The following LRRC37A2 variants were observed in gnomAD, a reference collection of about 807,000 sequenced individuals.
LRRC37A2 encodes the protein leucine-rich repeat-containing protein 37A2.
LRRC37A2 carries 9 observed loss-of-function variants against 68.8 expected under a neutral mutation model. The observed-to-expected ratio is 0.13, with a 90% CI of 0.08 to 0.23. The LOEUF is 0.23. Among genes scored for constraint, LRRC37A2 ranks in the 10% least tolerant of loss-of-function variants. LRRC37A2 has a pLI of 1.00. For missense variants in LRRC37A2, 168 were observed against 950.4 expected, an observed-to-expected ratio of 0.18 and a Z score of 10.82; for synonymous variants, 63 against 367.6, an observed-to-expected ratio of 0.17 and a Z score of 9.48.
the LRRC37A2 span, among the ~76,000 whole-genome samples, chr17:46,871,102 G>C: frequency 4.0e-5 from 6 of 151,670 alleles, no homozygotes; most frequent in African/African-American, 1.5e-4. Flanking sequence ...GTAGAGACAG[G>C]GTTTTGCTGT....
At chr17:46,916,157 G>A in the LRRC37A2 span, among the ~76,000 whole-genome samples, 12 of 152,336 alleles carry the variant, frequency 7.9e-5, no homozygotes, top group East Asian at 2.3e-3. Context: ...CTCCAGAAGT[G>A]GCCACGCCTA....
At chr17:47,001,482 T>C in the LRRC37A2 span, among the ~76,000 whole-genome samples, 1 of 152,296 alleles carries the variant, frequency 6.6e-6, no homozygotes, top group Non-Finnish European at 1.5e-5. Context: ...TTTTTGAACA[T>C]TTTAGGCAGA....
the LRRC37A2 span, among the ~76,000 whole-genome samples, chr17:46,820,371 C>T: frequency 1.3e-5 from 2 of 151,542 alleles, no homozygotes; most frequent in African/African-American, 2.4e-5. Context: ...AAGGAGAATC[C>T]GAGAGGAGGA....
chr17:47,028,497 G>C, the LRRC37A2 span: 2 of 687,534 alleles, frequency 2.9e-6, no homozygotes, highest in East Asian at 5.0e-5. Context: ...TTCTCAAATG[G>C]GGAAGCTAAG....
At chr17:46,711,909 A>G in the LRRC37A2 span, among the ~76,000 whole-genome samples, 1 of 152,168 alleles carries the variant, frequency 6.6e-6, no homozygotes, top group Non-Finnish European at 1.5e-5. Flanking sequence ...TTGAAAGAGA[A>G]AGGGAGATTA....
chr17:46,833,111 T>G, the LRRC37A2 span: 3 of 348,784 alleles, frequency 8.6e-6, no homozygotes, highest in Non-Finnish European at 1.7e-5. Flanking sequence ...AGGGGGAGGG[T>G]TGTTGACAAA....
chr17:46,794,611 C>T, the LRRC37A2 span, among the ~76,000 whole-genome samples: 1 of 152,122 alleles, frequency 6.6e-6, no homozygotes, highest in Admixed American at 6.5e-5. Context: ...AGCACCTTAA[C>T]CCATTCTCAC....
chr17:46,896,419 A>C, the LRRC37A2 span, among the ~76,000 whole-genome samples: 2 of 92,222 alleles, frequency 2.2e-5, no homozygotes, highest in African/African-American at 1.8e-4. Context: ...AGAAAGAAAG[A>C]AAGAAAGAAA....
the LRRC37A2 span, among the ~76,000 whole-genome samples, chr17:46,456,249 T>TAC: frequency 1.8e-5 from 2 of 110,874 alleles, no homozygotes; most frequent in East Asian, 2.3e-4. Context: ...TGTGTGTGTA[T>TAC]ACACATATAT....
chr17:46,541,652 TCAACGAAC>T (rs1437716580), intron 8 of LRRC37A2, among the ~76,000 whole-genome samples: 1 of 150,842 alleles, frequency 6.6e-6, no homozygotes, highest in East Asian at 1.9e-4. Context: ...ATCCATAGAT[TCAACGAAC>T]CATGGATGGG....
chr17:46,764,853 G>C, the LRRC37A2 span, among the ~76,000 whole-genome samples: 2 of 152,176 alleles, frequency 1.3e-5, no homozygotes, highest in Non-Finnish European at 2.9e-5. Context: ...GAATGGGATC[G>C]AAATTCTACC....
chr17:46,935,339 C>A, the LRRC37A2 span: 1 of 1,475,830 alleles, frequency 6.8e-7, no homozygotes. Flanking sequence ...TTATTGTGAG[C>A]CTGAAAGTAC....
the LRRC37A2 span, among the ~76,000 whole-genome samples, chr17:46,890,362 C>G: frequency 4.6e-5 from 7 of 152,216 alleles, no homozygotes; most frequent in African/African-American, 1.7e-4. Flanking sequence ...GTGGGCTTTC[C>G]TCCTTCCTGC....
chr17:46,958,732 C>G, the LRRC37A2 span, among the ~76,000 whole-genome samples: 1 of 152,194 alleles, frequency 6.6e-6, no homozygotes, highest in South Asian at 2.1e-4. Flanking sequence ...AGAGATGGAG[C>G]CAACTTCCGG....
chr17:46,946,018 C>T, the LRRC37A2 span, among the ~76,000 whole-genome samples: 1 of 152,142 alleles, frequency 6.6e-6, no homozygotes, highest in East Asian at 1.9e-4. Context: ...TCCAGGGGCC[C>T]TGGGAGACCC....
the LRRC37A2 span, among the ~76,000 whole-genome samples, chr17:46,890,055 G>T: frequency 6.6e-6 from 1 of 152,086 alleles, no homozygotes; most frequent in Non-Finnish European, 1.5e-5. Context: ...ATTTCAGCCC[G>T]GCCTGCATCT....
chr17:46,714,123 A>G, the LRRC37A2 span: 1 of 827,144 alleles, frequency 1.2e-6, no homozygotes, highest in Non-Finnish European at 1.8e-6. Flanking sequence ...AATTATCAGC[A>G]GAATATGGGG....
the LRRC37A2 span, chr17:46,932,040 T>C: frequency 1.2e-5 from 19 of 1,611,378 alleles, no homozygotes; most frequent in Non-Finnish European, 1.4e-5. Flanking sequence ...GTTCCTGGAA[T>C]TTAATCTCTC....
At chr17:46,951,352 A>G in the LRRC37A2 span, among the ~76,000 whole-genome samples, 1 of 152,078 alleles carries the variant, frequency 6.6e-6, no homozygotes, top group South Asian at 2.1e-4. Context: ...TTCCATGACA[A>G]CAGCAAGCTC....
Sources: gnomAD v4.1 joint callset for allele counts (sites outside exome capture counted in the v4.1 genomes callset) on GRCh38, gnomAD v4.1.1 for gene constraint, MANE v1.5 for transcripts, NCBI Gene and HGNC (gene_info 2026-07-23, HGNC 2026-07-21) for gene names.